The following KDM2B variants were observed in gnomAD, a reference collection of about 807,000 sequenced individuals.
The protein encoded by KDM2B is lysine demethylase 2B.
Under a neutral mutation model 150.0 loss-of-function variants are expected in KDM2B, and 26 were observed. That is an observed-to-expected ratio of 0.17 (90% CI 0.13 to 0.24). The LOEUF is 0.24. KDM2B is among the 10% of genes least tolerant of loss of function. The probability of loss-of-function intolerance (pLI) is 1.00; values close to 1 mark genes in which losing one functional copy is unlikely to be tolerated. For synonymous variants in KDM2B, 734 were observed against 729.5 expected (o/e 1.01, Z -0.10); for missense variants, 1,265 against 1,816.9 (o/e 0.70, Z 5.52).
chr12:121,554,082 C>CACAA (rs1162882037), intron 4 of KDM2B, among the ~76,000 whole-genome samples: 3 of 144,012 alleles, frequency 2.1e-5, no homozygotes, highest in Admixed American at 1.4e-4. Context: ...CACACACACA[C>CACAA]ACAAATTGGC....
At position 121,467,456 on chromosome 12, in the gene KDM2B, C is replaced by T. The variant is rs1459097985; in HGVS notation, c.1735-14112G>A. The stretch of plus-strand genomic sequence containing the variant: ...ATGAGGCGAGCCAGGAAGGGGCTGG[C>T]CCCCCGGGCGGGCGGGCCAATGGCG... On this transcript the variant is annotated intron_variant, in intron 12 of 22. Transcript: ENST00000377071. This position sits in a 1 kb window ranked among gnomAD's most constrained non-coding sequence, Gnocchi z 5.1. 2 of 679,034 alleles carry T rather than the reference C, an allele frequency of 2.9e-6. No homozygotes were observed. Among genetic ancestry groups the T allele is most frequent in the African/African-American group, 3.9e-5 (2 of 50,802 alleles). 42.1% of individuals were successfully genotyped at this position (679,034 alleles called of 1,614,324 possible). A position where few individuals can be genotyped will look rare whatever the true frequency, so the allele number is the denominator to read the frequency against.
intron 4 of KDM2B, among the ~76,000 whole-genome samples, chr12:121,553,741 C>A (rs1456320808): frequency 6.6e-6 from 1 of 152,064 alleles, no homozygotes; most frequent in Non-Finnish European, 1.5e-5. Context: ...GCATCACAGC[C>A]AGTTAAATCG....
intron 17 of KDM2B, 38 bp from the exon 18 acceptor site, chr12:121,443,068 G>A (rs782619283): frequency 3.8e-6 from 6 of 1,585,200 alleles, no homozygotes; most frequent in African/African-American, 1.5e-5. Context: ...CTTGCTCCCC[G>A]GGCTCGTGGG....
rs1489515195 is a variant in KDM2B at position 121,442,021 on chromosome 12, G to A, written c.3284+136C>T. On this transcript the variant is annotated intron_variant, in intron 19 of 22. Coordinates refer to ENST00000377071, the MANE Select transcript of KDM2B (RefSeq NM_032590.5). This position sits in a 1 kb window ranked among gnomAD's most constrained non-coding sequence, Gnocchi z 7.7. ...ACCAGAGGGGCCGCTGTAGCCAGCT[G>A]GAACGCTTTGCGGAGCACAATGAAG... is the stretch of plus-strand genomic sequence containing the variant. 6 of 717,878 alleles carry A rather than the reference G, an allele frequency of 8.4e-6. No homozygotes were observed. The highest frequency in any genetic ancestry group is 2.7e-5 in the Admixed American group (1 of 37,218). The allele number at this position is 717,878 out of a possible 1,614,324, so 44.5% of individuals were successfully genotyped here. A position where few individuals can be genotyped will look rare whatever the true frequency, so the allele number is the denominator to read the frequency against.
the KDM2B span, chr12:121,420,290 G>A: frequency 7.6e-6 from 12 of 1,587,122 alleles, no homozygotes; most frequent in South Asian, 5.7e-5. Context: ...TGATGACGAC[G>A]ATGATGAGGA....
Position 121,453,593 on chromosome 12 carries a change from A to G in KDM2B, c.1735-249T>C, listed in dbSNP as rs150941383. Reference sequence around the variant, plus strand: ...CCTTACGAAAGGGGAACTTTTGGACACAGAGACAGACACGCACGTAGAGAA... The same window carrying G: ...CCTTACGAAAGGGGAACTTTTGGACGCAGAGACAGACACGCACGTAGAGAA... On this transcript the variant is annotated intron_variant, in intron 12 of 22. Coordinates refer to ENST00000377071, the MANE Select transcript of KDM2B (RefSeq NM_032590.5). The surrounding 1 kb of genome is among the most constrained non-coding windows in gnomAD (Gnocchi z 6.4). Among the ~76,000 whole-genome samples the G allele has an allele frequency of 2.0e-5, 3 of 152,312 alleles. No homozygotes were observed. In the East Asian group the frequency reaches 5.8e-4, roughly 29 times the overall value.
At chr12:121,463,033 G>C (rs1240942390) in intron 12 of KDM2B, among the ~76,000 whole-genome samples, 1 of 135,464 alleles carries the variant, frequency 7.4e-6, no homozygotes, top group Non-Finnish European at 1.6e-5. Flanking sequence ...AAAAAAAAAA[G>C]AGGCCAGGCG....
At chr12:121,502,784 A>AAAC (rs1884696844) in intron 11 of KDM2B, among the ~76,000 whole-genome samples, 1 of 149,736 alleles carries the variant, frequency 6.7e-6, no homozygotes, top group East Asian at 1.9e-4. Flanking sequence ...AAAAAAAAAA[A>AAAC]AAACTTAAAT....
intron 4 of KDM2B, among the ~76,000 whole-genome samples, chr12:121,559,730 G>A (rs530180544): frequency 6.6e-5 from 10 of 151,824 alleles, no homozygotes; most frequent in Non-Finnish European, 1.3e-4. Flanking sequence ...GAGAAACTCC[G>A]TCTCTACTAA....
intron 13 of KDM2B, among the ~76,000 whole-genome samples, chr12:121,448,839 G>A (rs1314416229): frequency 1.3e-5 from 2 of 152,162 alleles, no homozygotes; most frequent in Non-Finnish European, 2.9e-5. Context: ...GAGCTATTTG[G>A]GAAGACAAAG....
At chr12:121,567,304 C>T (rs1274860240) in intron 4 of KDM2B, among the ~76,000 whole-genome samples, 3 of 152,216 alleles carry the variant, frequency 2.0e-5, no homozygotes, top group Admixed American at 2.0e-4. Context: ...TCCTCACCCC[C>T]AGCACCTCAG....
At chr12:121,516,584 T>C (rs568616085) in intron 9 of KDM2B, 7 of 1,352,616 alleles carry the variant, frequency 5.2e-6, no homozygotes, top group African/African-American at 3.0e-5. Flanking sequence ...CCTCACCAAA[T>C]TGAGTTAACC....
At chr12:121,540,811 G>A (rs1387345084) in intron 6 of KDM2B, among the ~76,000 whole-genome samples, 1 of 151,024 alleles carries the variant, frequency 6.6e-6, no homozygotes, top group Non-Finnish European at 1.5e-5. Context: ...GCAGCCACAT[G>A]GACAAATATC....
chr12:121,558,747 G>A (rs558022230), intron 4 of KDM2B, among the ~76,000 whole-genome samples: 7 of 151,930 alleles, frequency 4.6e-5, no homozygotes, highest in South Asian at 2.1e-4. Context: ...GAGACACTGC[G>A]CCCAGCCTAA....
chr12:121,440,742 T>C (rs1874872598), intron 21 of KDM2B, 74 bp downstream of exon 21: 1 of 1,386,784 alleles, frequency 7.2e-7, no homozygotes, highest in Admixed American at 2.1e-5. Context: ...AGCTGGGGTC[T>C]GAGGGTAAAA....
intron 10 of KDM2B, among the ~76,000 whole-genome samples, chr12:121,510,331 A>G (rs1004327766): frequency 2.6e-5 from 4 of 152,176 alleles, no homozygotes; most frequent in African/African-American, 9.7e-5. Context: ...GCTGGACTGT[A>G]GTGGCACAAT....
chr12:121,480,400 T>C (rs1051932704), intron 12 of KDM2B, among the ~76,000 whole-genome samples: 45 of 152,046 alleles, frequency 3.0e-4, no homozygotes, highest in African/African-American at 1.1e-3. Flanking sequence ...TGTGGCTCTT[T>C]GTTTTCTACA....
downstream of KDM2B, among the ~76,000 whole-genome samples, chr12:121,425,610 A>G (rs1362432741): frequency 6.6e-6 from 1 of 152,086 alleles, no homozygotes; most frequent in East Asian, 1.9e-4. Flanking sequence ...TAAAGAAAAA[A>G]ATTTTCTGCT....
Position 121,442,482 on chromosome 12 carries a change from G to A in KDM2B, c.2959C>T (p.Pro987Ser), listed in dbSNP as rs782013480. ...TGGGGACGCTCGCAGATGCCCGGGG[G>A]CCGCTTGGGCTCCTCGCCCTCGCTC... ...PESEGEEPKR[P>S]PGICERPHRF... Residue 987 changes from proline to serine, a missense_variant, in exon 19 of 23, where the codon CCC becomes TCC. Physicochemically the swap from Pro to Ser is moderately conservative, Grantham distance 74. Around this residue, in one of 11 missense-constraint regions of KDM2B, gnomAD observed 418 missense variants for 402.4 expected, o/e 1.04. Transcript: ENST00000377071. The surrounding 1 kb of genome is among the most constrained non-coding windows in gnomAD (Gnocchi z 7.7). 4 of 1,599,498 alleles carry A rather than the reference G, an allele frequency of 2.5e-6. No homozygotes were observed. The highest frequency in any genetic ancestry group is 1.3e-5 in the African/African-American group (1 of 74,928).
Sources: allele counts gnomAD v4.1 joint callset (sites outside exome capture counted in the v4.1 genomes callset), GRCh38; gene constraint gnomAD v4.1.1; regional missense constraint gnomAD v4.1.1; non-coding constraint Gnocchi (gnomAD v3.1); transcripts MANE v1.5; gene names NCBI Gene and HGNC (gene_info 2026-07-23, HGNC 2026-07-21).